The following MACROD2 variants were observed in gnomAD, a reference collection of about 807,000 sequenced individuals.
The protein encoded by MACROD2 is ADP-ribose glycohydrolase MACROD2.
In MACROD2, 36 loss-of-function variants were observed where a neutral mutation model predicts 70.4. That is an observed-to-expected ratio of 0.51 (90% CI 0.39 to 0.68). The LOEUF (loss-of-function observed/expected upper bound fraction) is 0.68. MACROD2 is among the 30% of genes least tolerant of loss of function. The pLI, the probability that MACROD2 is intolerant of heterozygous loss-of-function variation, is 0.00. For synonymous variants in MACROD2, 172 were observed against 178.8 expected (o/e 0.96, Z 0.30); for missense variants, 496 against 538.4 (o/e 0.92, Z 0.78).
At chr20:14,433,925 G>A (rs1432951545) in intron 3 of MACROD2, among the ~76,000 whole-genome samples, 1 of 152,052 alleles carries the variant, frequency 6.6e-6, no homozygotes, top group Non-Finnish European at 1.5e-5. Flanking sequence ...CATAGTTAGT[G>A]TTGCAATAAT....
At chr20:14,081,733 A>G (rs1430820624) in intron 2 of MACROD2, among the ~76,000 whole-genome samples, 1 of 152,202 alleles carries the variant, frequency 6.6e-6, no homozygotes, top group Non-Finnish European at 1.5e-5. Context: ...TGCAAAGAAT[A>G]GTTGGTGGTC....
At chr20:15,218,349 C>G (rs536161646) in intron 5 of MACROD2, among the ~76,000 whole-genome samples, 70 of 152,332 alleles carry the variant, frequency 4.6e-4, no homozygotes, top group African/African-American at 1.5e-3. Context: ...CAGTTCAACT[C>G]TAAGATTCTT....
intron 5 of MACROD2, among the ~76,000 whole-genome samples, chr20:14,688,967 C>T (rs1291246096): frequency 6.6e-6 from 1 of 152,214 alleles, no homozygotes; most frequent in Non-Finnish European, 1.5e-5. Flanking sequence ...CTGCACATTT[C>T]TAGTAAATTA....
intron 8 of MACROD2, among the ~76,000 whole-genome samples, chr20:15,722,912 G>A (rs1235914943): frequency 2.6e-5 from 4 of 152,032 alleles, no homozygotes; most frequent in Non-Finnish European, 4.4e-5. Context: ...ATGAACTAGA[G>A]ATATGATTTT....
At chr20:14,109,487 A>G (rs1252528570) in intron 3 of MACROD2, among the ~76,000 whole-genome samples, 1 of 151,798 alleles carries the variant, frequency 6.6e-6, no homozygotes, top group Non-Finnish European at 1.5e-5. Flanking sequence ...GAAAAGATAA[A>G]TAAAATGAAC....
chr20:14,029,838 T>C (rs2053224815), intron 2 of MACROD2, among the ~76,000 whole-genome samples: 1 of 152,226 alleles, frequency 6.6e-6, no homozygotes, highest in African/African-American at 2.4e-5. Context: ...AACAATGTAA[T>C]TTATCGATAC....
At chr20:14,778,104 A>T (rs1366081905) in intron 5 of MACROD2, among the ~76,000 whole-genome samples, 1 of 152,120 alleles carries the variant, frequency 6.6e-6, no homozygotes, top group Non-Finnish European at 1.5e-5. Context: ...ATGCTAAGTC[A>T]CTTGTCCCAA....
intron 3 of MACROD2, among the ~76,000 whole-genome samples, chr20:14,272,841 A>G (rs2082209692): frequency 6.6e-6 from 1 of 152,206 alleles, no homozygotes; most frequent in Non-Finnish European, 1.5e-5. Context: ...AGGGGTTGCA[A>G]TCCTAGTCTC....
At chr20:15,450,888 G>A (rs1265192290) in intron 7 of MACROD2, among the ~76,000 whole-genome samples, 6 of 152,206 alleles carry the variant, frequency 3.9e-5, no homozygotes, top group African/African-American at 7.2e-5. Flanking sequence ...GTTTGTCAAC[G>A]ATTTTCTACA....
intron 4 of MACROD2, among the ~76,000 whole-genome samples, chr20:14,544,477 A>C (rs1452424121): frequency 6.6e-6 from 1 of 152,034 alleles, no homozygotes; most frequent in Non-Finnish European, 1.5e-5. Flanking sequence ...TATGTGTGAG[A>C]ATTAAAATTT....
At chr20:15,213,173 T>A (rs1349501565) in intron 5 of MACROD2, among the ~76,000 whole-genome samples, 1 of 152,150 alleles carries the variant, frequency 6.6e-6, no homozygotes, top group African/African-American at 2.4e-5. Flanking sequence ...TAGCCAGAAT[T>A]TACTTAGTGA....
intron 2 of MACROD2, among the ~76,000 whole-genome samples, chr20:14,010,887 A>G (rs1429022936): frequency 6.6e-6 from 1 of 152,104 alleles, no homozygotes; most frequent in Non-Finnish European, 1.5e-5. Flanking sequence ...CATCTGGACA[A>G]AGTTTTCTCC....
chr20:16,028,748 C>T (rs1036482840), intron 15 of MACROD2, among the ~76,000 whole-genome samples: 1 of 152,104 alleles, frequency 6.6e-6, no homozygotes, highest in Non-Finnish European at 1.5e-5. Context: ...GAGAGGGGGC[C>T]AAATGTGTGT....
rs560142587 is a variant in MACROD2, at chr20:14,921,193, T to C, written c.418+236234T>C. 9.2e-5 allele frequency among the ~76,000 whole-genome samples: 14 copies of C among 152,312 alleles called. 1 individual carries two copies. The South Asian group carries it at 2.1e-3, about 23-fold the overall frequency. On this transcript the variant is annotated intron_variant, in intron 5 of 17. Transcript: ENST00000684519. Reference sequence around the variant, plus strand: ...GGGAGCATATCGACATTATGGGCAATGCAGTTATTTCCCATGACATTTTAA... The same window carrying C: ...GGGAGCATATCGACATTATGGGCAACGCAGTTATTTCCCATGACATTTTAA...
intron 6 of MACROD2, among the ~76,000 whole-genome samples, chr20:15,298,748 A>T (rs575836840): frequency 6.6e-6 from 1 of 152,272 alleles, no homozygotes; most frequent in South Asian, 2.1e-4. Flanking sequence ...AAGAGTATTT[A>T]TGGGGTGCAG....
intron 8 of MACROD2, among the ~76,000 whole-genome samples, chr20:15,767,567 A>C (rs575617255): frequency 1.3e-5 from 2 of 152,126 alleles, no homozygotes; most frequent in Non-Finnish European, 2.9e-5. Flanking sequence ...CCTTGTATTG[A>C]TTATCTTTAG....
At chr20:15,952,971 G>T (rs947356789) in intron 12 of MACROD2, among the ~76,000 whole-genome samples, 1 of 151,990 alleles carries the variant, frequency 6.6e-6, no homozygotes, top group African/African-American at 2.4e-5. Flanking sequence ...ATTTCTGTGG[G>T]GGTTTCTTTT....
At chr20:15,134,411 A>G (rs1457266506) in intron 5 of MACROD2, among the ~76,000 whole-genome samples, 2 of 151,704 alleles carry the variant, frequency 1.3e-5, no homozygotes, top group African/African-American at 4.8e-5. Flanking sequence ...GGATTAAGAA[A>G]CTCACTCAAA....
At chr20:15,080,612 G>T (rs1175419383) in intron 5 of MACROD2, among the ~76,000 whole-genome samples, 1 of 151,944 alleles carries the variant, frequency 6.6e-6, no homozygotes, top group East Asian at 1.9e-4. Flanking sequence ...CATTAACCAG[G>T]TCTGTTCCAC....
Sources: gnomAD v4.1 joint callset for allele counts (sites outside exome capture counted in the v4.1 genomes callset) on GRCh38, gnomAD v4.1.1 for gene constraint, MANE v1.5 for transcripts, NCBI Gene and HGNC (gene_info 2026-07-23, HGNC 2026-07-21) for gene names.